The following RNF180 variants were observed in gnomAD, a reference collection of about 807,000 sequenced individuals.
RNF180 encodes the protein ring finger protein 180.
In RNF180, 38 loss-of-function variants were observed where a neutral mutation model predicts 59.2. The observed-to-expected ratio is 0.64, with a 90% CI of 0.50 to 0.84. RNF180 has a LOEUF of 0.84. Ranked by LOEUF, RNF180 falls within the 40% of genes least tolerant of loss-of-function variation. RNF180 has a pLI of 0.00. For synonymous variants in RNF180, 262 were observed against 240.3 expected, an observed-to-expected ratio of 1.09 and a Z score of -0.84; for missense variants, 705 against 700.9, an observed-to-expected ratio of 1.01 and a Z score of -0.07.
intron 7 of RNF180, among the ~76,000 whole-genome samples, chr5:64,339,833 TAATC>T (rs1247861725): frequency 6.6e-6 from 1 of 152,172 alleles, no homozygotes; most frequent in Non-Finnish European, 1.5e-5. Flanking sequence ...GTGTCTTACA[TAATC>T]AATAAGTAAG....
At chr5:64,220,587 G>A (rs192709754) in intron 5 of RNF180, among the ~76,000 whole-genome samples, 11 of 151,740 alleles carry the variant, frequency 7.2e-5, no homozygotes, top group Admixed American at 3.3e-4. Flanking sequence ...CATTTTTTTC[G>A]CTGAATTGAG....
rs1292909195 is a variant in RNF180, at chr5:64,165,940, G to A, written c.-14G>A. On this transcript the variant is annotated 5_prime_UTR_variant, in exon 1 of 8. Transcript: ENST00000389100. Reference sequence around the variant, plus strand: ...ACGGGGCGCGAAGCCGGAGGCTCCGGGACGTGGATACAGGTAAAGGCCGGC... The same window carrying A: ...ACGGGGCGCGAAGCCGGAGGCTCCGAGACGTGGATACAGGTAAAGGCCGGC... The A allele has an allele frequency of 6.6e-6, 1 of 152,586 alleles. No individual in the cohort carries two copies. Among genetic ancestry groups the A allele is most frequent in the African/African-American group, 2.4e-5 (1 of 41,440 alleles). The allele number at this position is 152,586 out of a possible 1,614,324, so 9.5% of individuals were successfully genotyped here.
chr5:64,236,270 A>G (rs1448609762), intron 5 of RNF180, among the ~76,000 whole-genome samples: 1 of 152,230 alleles, frequency 6.6e-6, no homozygotes, highest in Admixed American at 6.5e-5. Context: ...CACTTTTGCT[A>G]TGCTTTAGCA....
chr5:64,316,093 G>GT (rs1224195657), intron 5 of RNF180, among the ~76,000 whole-genome samples: 4 of 152,024 alleles, frequency 2.6e-5, no homozygotes, highest in East Asian at 1.9e-4. Flanking sequence ...TTTTTATTTT[G>GT]TTTTTTGTTA....
At chr5:64,184,809 T>G (rs1328228069) in intron 1 of RNF180, among the ~76,000 whole-genome samples, 3 of 152,174 alleles carry the variant, frequency 2.0e-5, no homozygotes, top group Admixed American at 2.0e-4. Context: ...ATGCTAGTCT[T>G]CAATCCATGA....
chr5:64,345,607 A>T (rs986306713), intron 7 of RNF180, among the ~76,000 whole-genome samples: 1 of 152,204 alleles, frequency 6.6e-6, no homozygotes, highest in Non-Finnish European at 1.5e-5. Context: ...CAATGTTCAG[A>T]TCTAAATGAT....
At chr5:64,306,631 A>G (rs145196824) in intron 5 of RNF180, among the ~76,000 whole-genome samples, 1 of 151,824 alleles carries the variant, frequency 6.6e-6, no homozygotes, top group African/African-American at 2.4e-5. Flanking sequence ...ACACCATGGA[A>G]TGCTATGCAG....
intron 1 of RNF180, among the ~76,000 whole-genome samples, chr5:64,180,929 C>T (rs1341828324): frequency 2.0e-5 from 3 of 152,138 alleles, no homozygotes; most frequent in African/African-American, 7.2e-5. Context: ...ACTAACAAGT[C>T]TGGATCCCAA....
intron 5 of RNF180, among the ~76,000 whole-genome samples, chr5:64,302,649 T>C (rs1396302836): frequency 6.6e-6 from 1 of 151,630 alleles, no homozygotes; most frequent in Non-Finnish European, 1.5e-5. Context: ...TGTTTACATG[T>C]GTCAGAAGCT....
At chr5:64,221,764 C>G (rs1348809220) in intron 5 of RNF180, among the ~76,000 whole-genome samples, 1 of 152,026 alleles carries the variant, frequency 6.6e-6, no homozygotes, top group Non-Finnish European at 1.5e-5. Flanking sequence ...AATAGATGCT[C>G]AAGTATTTTT....
At chr5:64,165,611 A>G (rs1005389993), upstream of RNF180, among the ~76,000 whole-genome samples, 10 of 152,142 alleles carry the variant, frequency 6.6e-5, no homozygotes, top group African/African-American at 2.4e-4. Context: ...CAAGGGAGAA[A>G]AACTTTCCCA....
At chr5:64,293,728 C>G (rs920379630) in intron 5 of RNF180, among the ~76,000 whole-genome samples, 1 of 152,032 alleles carries the variant, frequency 6.6e-6, no homozygotes, top group African/African-American at 2.4e-5. Flanking sequence ...CTTAGTATTA[C>G]TTCCAGAGTT....
At chr5:64,222,180 A>G (rs1741379444) in intron 5 of RNF180, among the ~76,000 whole-genome samples, 1 of 152,096 alleles carries the variant, frequency 6.6e-6, no homozygotes, top group South Asian at 2.1e-4. Context: ...TGTTTTCCCC[A>G]TGATTAGACT....
chr5:64,269,813 C>T (rs1744904449), intron 5 of RNF180, among the ~76,000 whole-genome samples: 2 of 152,028 alleles, frequency 1.3e-5, no homozygotes, highest in Admixed American at 1.3e-4. Flanking sequence ...TGTATTTTGG[C>T]ATATGTTTGG....
chr5:64,280,779 TCTAA>T lies in RNF180; in HGVS notation c.1228-44404_1228-44401del, dbSNP rs1014079788. On this transcript the variant is annotated intron_variant, in intron 5 of 7. Coordinates refer to ENST00000389100, the MANE Select transcript of RNF180 (RefSeq NM_001113561.2). ...CTTTGCTTAGGATTGCTTTGGGTATTCTAACTCTTTTTGGTTCCATATGCATTTT... is the reference window on the plus strand; with the variant it reads ...CTTTGCTTAGGATTGCTTTGGGTATTCTCTTTTTGGTTCCATATGCATTTT... 1.5e-4 allele frequency among the ~76,000 whole-genome samples: 23 copies of T among 152,204 alleles called. 1 individual carries two copies. Among genetic ancestry groups the T allele is most frequent in the Admixed American group, 1.3e-3 (20 of 15,276 alleles).
intron 5 of RNF180, among the ~76,000 whole-genome samples, chr5:64,302,173 C>A (rs1477729515): frequency 6.6e-6 from 1 of 151,370 alleles, no homozygotes; most frequent in Non-Finnish European, 1.5e-5. Context: ...CCACATATAC[C>A]CAATATACAC....
intron 5 of RNF180, among the ~76,000 whole-genome samples, chr5:64,248,688 G>A (rs1023191599): frequency 2.0e-5 from 3 of 152,196 alleles, no homozygotes; most frequent in African/African-American, 7.2e-5. Context: ...CATTGTGGAA[G>A]ACAGTATGGC....
chr5:64,317,579 C>CAT (rs1233106193), intron 5 of RNF180, among the ~76,000 whole-genome samples: 17 of 90,820 alleles, frequency 1.9e-4, no homozygotes, highest in African/African-American at 6.7e-4. Flanking sequence ...TATATATACA[C>CAT]ATATATATAC....
intron 7 of RNF180, among the ~76,000 whole-genome samples, chr5:64,348,588 A>G (rs940471225): frequency 2.6e-5 from 4 of 152,128 alleles, no homozygotes; most frequent in Admixed American, 2.6e-4. Context: ...AAGATAAGAC[A>G]TAGTTGAAGC....
Sources: allele counts gnomAD v4.1 joint callset (sites outside exome capture counted in the v4.1 genomes callset), GRCh38; gene constraint gnomAD v4.1.1; transcripts MANE v1.5; gene names NCBI Gene and HGNC (gene_info 2026-07-23, HGNC 2026-07-21).